PTPRD: variants seen among roughly 807,000 people sequenced by gnomAD.
The protein encoded by PTPRD is protein tyrosine phosphatase receptor type D.
Under a neutral mutation model 214.5 loss-of-function variants are expected in PTPRD, and 34 were observed. The observed-to-expected ratio is 0.16, with a 90% confidence interval of 0.12 to 0.21. The LOEUF is 0.21. Ranked by LOEUF, PTPRD falls within the 10% of genes least tolerant of loss-of-function variation. The pLI is 1.00. For synonymous variants in PTPRD, 1,128 were observed against 845.7 expected, an observed-to-expected ratio of 1.33 and a Z score of -5.79; for missense variants, 2,545 against 2,398.7, an observed-to-expected ratio of 1.06 and a Z score of -1.27.
chr9:9,777,988 G>A (rs1482287060), intron 5 of PTPRD, among the ~76,000 whole-genome samples: 1 of 152,170 alleles, frequency 6.6e-6, no homozygotes, highest in Admixed American at 6.5e-5. Context: ...CCAAGAATAG[G>A]ACTAGCACTA....
intron 3 of PTPRD, among the ~76,000 whole-genome samples, chr9:10,143,807 A>G (rs1440860119): frequency 2.0e-5 from 3 of 152,128 alleles, no homozygotes; most frequent in Non-Finnish European, 4.4e-5. Flanking sequence ...ACAGAAGCAG[A>G]AAGCCAAATA....
At chr9:10,503,044 A>G (rs1355100737) in intron 2 of PTPRD, among the ~76,000 whole-genome samples, 1 of 151,832 alleles carries the variant, frequency 6.6e-6, no homozygotes, top group Non-Finnish European at 1.5e-5. Flanking sequence ...TTTCCTTTAG[A>G]ATGTCAATTT....
intron 3 of PTPRD, among the ~76,000 whole-genome samples, chr9:10,157,480 G>C (rs77069389): frequency 0.11 from 16,309 of 152,212 alleles, 1,119 homozygotes; most frequent in South Asian, 0.2. Flanking sequence ...CTGGATAGTA[G>C]TGTCTCTGCT....
At chr9:8,471,461 G>T (rs1431655921) in intron 30 of PTPRD, among the ~76,000 whole-genome samples, 1 of 152,064 alleles carries the variant, frequency 6.6e-6, no homozygotes, top group Non-Finnish European at 1.5e-5. Flanking sequence ...TTTATAAGAA[G>T]ATGTTTTTAA....
intron 3 of PTPRD, among the ~76,000 whole-genome samples, chr9:10,131,838 C>A (rs753267763): frequency 6.6e-6 from 1 of 152,014 alleles, no homozygotes; most frequent in Non-Finnish European, 1.5e-5. Flanking sequence ...CAATTCACAC[C>A]TGTTTGGAGA....
At chr9:9,248,414 T>C (rs2099974002) in intron 9 of PTPRD, among the ~76,000 whole-genome samples, 1 of 152,002 alleles carries the variant, frequency 6.6e-6, no homozygotes, top group Non-Finnish European at 1.5e-5. Flanking sequence ...ATTTTTAACA[T>C]CAAAGTTGCA....
intron 5 of PTPRD, among the ~76,000 whole-genome samples, chr9:9,781,253 T>C (rs1380882299): frequency 6.6e-6 from 1 of 152,190 alleles, no homozygotes; most frequent in African/African-American, 2.4e-5. Flanking sequence ...ATGTCAATAA[T>C]GGGTTTAACT....
At chr9:9,540,681 G>T (rs748406610) in intron 8 of PTPRD, among the ~76,000 whole-genome samples, 2 of 151,734 alleles carry the variant, frequency 1.3e-5, no homozygotes, top group Non-Finnish European at 2.9e-5. Context: ...ATTAATATTA[G>T]GTTATATTAC....
chr9:8,338,597 C>T (rs1466342322), intron 43 of PTPRD, among the ~76,000 whole-genome samples: 1 of 152,082 alleles, frequency 6.6e-6, no homozygotes, highest in Non-Finnish European at 1.5e-5. Flanking sequence ...CTCCAAAGAG[C>T]ATGAGCTGAG....
intron 5 of PTPRD, among the ~76,000 whole-genome samples, chr9:9,858,128 G>C (rs945403992): frequency 6.6e-6 from 1 of 152,106 alleles, no homozygotes; most frequent in Non-Finnish European, 1.5e-5. Flanking sequence ...AGTGAATAGA[G>C]AGCCACAGGC....
chr9:8,927,640 C>T (rs2098911278), intron 11 of PTPRD, among the ~76,000 whole-genome samples: 1 of 152,160 alleles, frequency 6.6e-6, no homozygotes, highest in South Asian at 2.1e-4. Flanking sequence ...CAAGTCTTTG[C>T]TATTGTGAAC....
At chr9:10,227,845 A>G (rs1481201058) in intron 3 of PTPRD, among the ~76,000 whole-genome samples, 1 of 151,940 alleles carries the variant, frequency 6.6e-6, no homozygotes, top group Non-Finnish European at 1.5e-5. Context: ...CTGAGGCCAG[A>G]GTTATTATTT....
chr9:9,166,877 A>G (rs764275934), intron 10 of PTPRD, among the ~76,000 whole-genome samples: 1 of 152,192 alleles, frequency 6.6e-6, no homozygotes, highest in Non-Finnish European at 1.5e-5. Flanking sequence ...ACCTATAGTT[A>G]TAAGAGTCAT....
At chr9:8,509,152 G>A (rs956434528) in intron 21 of PTPRD, among the ~76,000 whole-genome samples, 5 of 152,036 alleles carry the variant, frequency 3.3e-5, no homozygotes, top group Non-Finnish European at 7.4e-5. Context: ...ATTGAAAGGT[G>A]GAAGCGAAAG....
intron 2 of PTPRD, among the ~76,000 whole-genome samples, chr9:10,539,902 A>G (rs1367554091): frequency 6.6e-6 from 1 of 152,190 alleles, no homozygotes; most frequent in Non-Finnish European, 1.5e-5. Context: ...TCTGTGGTGT[A>G]TCAACAACAA....
intron 2 of PTPRD, among the ~76,000 whole-genome samples, chr9:10,377,443 C>G (rs1364831069): frequency 1.3e-5 from 2 of 151,796 alleles, no homozygotes; most frequent in African/African-American, 4.8e-5. Context: ...CTCCCCTCTC[C>G]CCCCACCCCA....
intron 2 of PTPRD, among the ~76,000 whole-genome samples, chr9:10,538,310 G>A (rs1049116917): frequency 6.6e-6 from 1 of 151,136 alleles, no homozygotes; most frequent in Admixed American, 6.6e-5. Context: ...AGGGAGAGGA[G>A]TGGTTCTGTA....
chr9:10,334,623 C>A lies in PTPRD; in HGVS notation c.-545+6340G>T, dbSNP rs544690418. ...TTTGAGAAGGAAGAAATAAAACCGT[C>A]TTTGCTTGCGGATGACAAGATCACC... is the stretch of plus-strand genomic sequence containing the variant. On this transcript the variant is annotated intron_variant, in intron 3 of 45. Transcript: ENST00000381196. Among the ~76,000 whole-genome samples, 10 of 151,560 alleles carry A rather than the reference C, an allele frequency of 6.6e-5. No individual in the cohort carries two copies. The East Asian group carries it at 1.2e-3, about 18-fold the overall frequency.
chr9:9,438,945 T>A (rs2086403316), intron 8 of PTPRD, among the ~76,000 whole-genome samples: 1 of 152,156 alleles, frequency 6.6e-6, no homozygotes, highest in African/African-American at 2.4e-5. Context: ...AACTTTATCA[T>A]TATCAGTCTG....
Sources: gnomAD v4.1 joint callset for allele counts (sites outside exome capture counted in the v4.1 genomes callset) on GRCh38, gnomAD v4.1.1 for gene constraint, MANE v1.5 for transcripts, NCBI Gene and HGNC (gene_info 2026-07-23, HGNC 2026-07-21) for gene names.